Variants in SWT1 observed in about 807,000 individuals in gnomAD.
SWT1 encodes SWT1 RNA endoribonuclease homolog, also known as transcriptional protein SWT1.
In SWT1, 33 loss-of-function variants were observed where a neutral mutation model predicts 107.3. The ratio of observed to expected loss-of-function variants is 0.31; its 90% CI spans 0.23 to 0.41. The LOEUF is 0.41. SWT1 is among the 10% of genes least tolerant of loss of function. SWT1 has a pLI of 1.00. For missense variants in SWT1, 898 were observed against 1,028.9 expected (o/e 0.87, Z 1.74); for synonymous variants, 345 against 348.3 (o/e 0.99, Z 0.11).
At chr1:185,159,390 A>T (rs1653945166) in intron 1 of SWT1, among the ~76,000 whole-genome samples, 1 of 152,218 alleles carries the variant, frequency 6.6e-6, no homozygotes, top group Non-Finnish European at 1.5e-5. Context: ...TTTTTCTGGG[A>T]TAGTCCACAA....
intron 10 of SWT1, among the ~76,000 whole-genome samples, chr1:185,200,144 TCTAA>T (rs546385457): frequency 1.8e-3 from 268 of 152,284 alleles, no homozygotes; most frequent in Non-Finnish European, 3.1e-3. Flanking sequence ...TAGCAATTCC[TCTAA>T]CCTGTTTTTT....
At chr1:185,241,369 A>G (rs1558067619) in intron 16 of SWT1, among the ~76,000 whole-genome samples, 1 of 151,904 alleles carries the variant, frequency 6.6e-6, no homozygotes. Flanking sequence ...ATTAGGCTTC[A>G]CCTCCCACTC....
chr1:185,214,676 CAGTT>C lies in SWT1; in HGVS notation c.2121+24_2121+27del, dbSNP rs753964304. On this transcript the variant is annotated intron_variant, in intron 14 of 18. Transcript: ENST00000367500. ...CAGAGGTAAGATGCCTTTGGAATGCCAGTTAGAGTAGCTAATTATACATGTTCTG... is the reference window on the plus strand; with the variant it reads ...CAGAGGTAAGATGCCTTTGGAATGCCAGAGTAGCTAATTATACATGTTCTG... 8 of 1,586,254 alleles carry C rather than the reference CAGTT, an allele frequency of 5.0e-6. No individual in the cohort carries two copies. In the South Asian group the frequency reaches 7.0e-5, roughly 14 times the overall value.
intron 16 of SWT1, among the ~76,000 whole-genome samples, chr1:185,234,810 C>T (rs1220799819): frequency 1.3e-5 from 2 of 151,826 alleles, no homozygotes; most frequent in Non-Finnish European, 2.9e-5. Flanking sequence ...TGGCAGGCCA[C>T]TAGCTAGACT....
At chr1:185,228,860 A>G (rs970097265) in intron 15 of SWT1, among the ~76,000 whole-genome samples, 2 of 152,206 alleles carry the variant, frequency 1.3e-5, no homozygotes, top group South Asian at 2.1e-4. Flanking sequence ...AGCGTTTCAG[A>G]TAGAAGAATA....
At chr1:185,160,579 G>A (rs1199360182) in intron 1 of SWT1, among the ~76,000 whole-genome samples, 1 of 152,058 alleles carries the variant, frequency 6.6e-6, no homozygotes, top group Non-Finnish European at 1.5e-5. Context: ...GCACATGCCT[G>A]TAATCTCAGC....
intron 6 of SWT1, among the ~76,000 whole-genome samples, chr1:185,181,621 T>C (rs979249350): frequency 1.3e-5 from 2 of 152,210 alleles, no homozygotes; most frequent in Admixed American, 1.3e-4. Flanking sequence ...TGCAAGGAGC[T>C]TCACCTAGCT....
In SWT1 at chr1:185,199,126, C is replaced by T. The variant is rs368814409; in HGVS notation, c.1524-3528C>T. On this transcript the variant is annotated intron_variant, in intron 10 of 18. Transcript: ENST00000367500. ...CTAATTTTTGTATTTTTAGTAGAGA[C>T]GGTATTTCACCATCTTGGTCAGGCT... is the stretch of plus-strand genomic sequence containing the variant. Among the ~76,000 whole-genome samples the T allele has an allele frequency of 1.6e-4, 25 of 151,902 alleles. 1 individual carries two copies. Among genetic ancestry groups the T allele is most frequent in the African/African-American group, 4.1e-4 (17 of 41,428 alleles).
chr1:185,197,172 AG>A (rs1571475654), intron 10 of SWT1, among the ~76,000 whole-genome samples: 1 of 152,164 alleles, frequency 6.6e-6, no homozygotes, highest in Non-Finnish European at 1.5e-5. Context: ...TTTAGCATGA[AG>A]GGGTGTTGAA....
At chr1:185,261,038 T>G (rs534305739) in intron 16 of SWT1, among the ~76,000 whole-genome samples, 1 of 152,290 alleles carries the variant, frequency 6.6e-6, no homozygotes, top group South Asian at 2.1e-4. Flanking sequence ...TTACAGTTTA[T>G]CTTCTTAACC....
rs1026167518 is a variant in SWT1, at chr1:185,233,015, A to G, written c.2441+1307A>G. On this transcript the variant is annotated intron_variant, in intron 16 of 18. Coordinates refer to ENST00000367500, the MANE Select transcript of SWT1 (RefSeq NM_017673.7). ...GCTTATCTAGTGGTTCTCAAAGTGTAATCACAAGACCAGCATCATCACCAC... is the reference window on the plus strand; with the variant it reads ...GCTTATCTAGTGGTTCTCAAAGTGTGATCACAAGACCAGCATCATCACCAC... 2.0e-5 allele frequency among the ~76,000 whole-genome samples: 3 copies of G among 152,146 alleles called. No individual in the cohort carries two copies. In the South Asian group the frequency reaches 6.2e-4, roughly 31 times the overall value.
chr1:185,186,946 G>C (rs1426230358), intron 9 of SWT1, among the ~76,000 whole-genome samples: 1 of 150,960 alleles, frequency 6.6e-6, no homozygotes, highest in East Asian at 1.9e-4. Context: ...GTAGAGATAG[G>C]GTTTCACCAT....
At chr1:185,165,258 G>A (rs963759265) in intron 2 of SWT1, among the ~76,000 whole-genome samples, 2 of 152,158 alleles carry the variant, frequency 1.3e-5, no homozygotes, top group African/African-American at 2.4e-5. Flanking sequence ...AGGTCCCATA[G>A]CAGTATAACA....
intron 13 of SWT1, 112 bp from the exon 14 acceptor site, chr1:185,214,395 G>T: frequency 1.4e-6 from 1 of 731,602 alleles, no homozygotes; most frequent in Non-Finnish European, 2.2e-6. Context: ...TGGCATATAG[G>T]TATAAATGTA....
At position 185,290,737 on chromosome 1, in the gene SWT1, T is replaced by A. The variant is rs1405673659; in HGVS notation, c.2637T>A (p.Asn879Lys). The A allele has an allele frequency of 6.2e-7, 1 of 1,611,668 alleles. No homozygotes were observed. Among genetic ancestry groups the A allele is most frequent in the Non-Finnish European group, 8.5e-7 (1 of 1,178,514 alleles). ...VEMEYTMQQC[N>K]ASVYMEAKNR... The stretch of plus-strand genomic sequence containing the variant: ...TGGAATATACCATGCAGCAGTGCAA[T>A]GCATCTGTTTATATGGAGGCCAAAA... Residue 879 changes from asparagine (N) to lysine (K), a missense_variant, in exon 19 of 19, where the codon AAT (asparagine) becomes AAA (lysine). By Grantham distance (94) the Asn-to-Lys change is moderately conservative. Around this residue, in one of 6 missense-constraint regions of SWT1, gnomAD observed 382 missense variants for 460.0 expected, o/e 0.83. Coordinates refer to ENST00000367500, the MANE Select transcript of SWT1 (RefSeq NM_017673.7).
chr1:185,226,183 T>C (rs778126331), intron 15 of SWT1, among the ~76,000 whole-genome samples: 1 of 152,210 alleles, frequency 6.6e-6, no homozygotes, highest in African/African-American at 2.4e-5. Context: ...ATAATGTACA[T>C]GCATTTGTGT....
chr1:185,231,457 G>T, intron 15 of SWT1, 120 bp from the exon 16 acceptor site: 1 of 750,622 alleles, frequency 1.3e-6, no homozygotes, highest in South Asian at 1.6e-5. Flanking sequence ...AAATAGATCA[G>T]CATTCTGAGA....
intron 16 of SWT1, among the ~76,000 whole-genome samples, chr1:185,232,031 AT>A (rs985376284): frequency 2.6e-5 from 4 of 151,726 alleles, no homozygotes; most frequent in Non-Finnish European, 4.4e-5. Context: ...TTTTCAAAAA[AT>A]TTTTTTTTCA....
intron 3 of SWT1, among the ~76,000 whole-genome samples, chr1:185,166,912 A>T (rs1442918731): frequency 4.6e-5 from 7 of 151,952 alleles, no homozygotes; most frequent in African/African-American, 1.7e-4. Flanking sequence ...TTTTATATAT[A>T]TATATTTTTT....
Sources: gnomAD v4.1 joint callset for allele counts (sites outside exome capture counted in the v4.1 genomes callset) on GRCh38, gnomAD v4.1.1 for gene constraint, gnomAD v4.1.1 regional missense constraint, MANE v1.5 for transcripts, NCBI Gene and HGNC (gene_info 2026-07-23, HGNC 2026-07-21) for gene names.